HSD11B1: variants seen among roughly 807,000 people sequenced by gnomAD.
HSD11B1 encodes the protein hydroxysteroid 11-beta dehydrogenase 1.
Under a neutral mutation model 22.1 loss-of-function variants are expected in HSD11B1, and 15 were observed. That is an observed-to-expected ratio of 0.68 (90% CI 0.45 to 1.04). The LOEUF is 1.04. Among genes scored for constraint, HSD11B1 ranks in the 50% least tolerant of loss-of-function variants. HSD11B1 has a pLI of 0.00. For synonymous variants in HSD11B1, 122 were observed against 125.2 expected (o/e 0.97, Z 0.17); for missense variants, 281 against 357.6 (o/e 0.79, Z 1.73).
At chr1:209,704,239 C>T (rs2076842305), upstream of HSD11B1, among the ~76,000 whole-genome samples, 1 of 152,082 alleles carries the variant, frequency 6.6e-6, no homozygotes, top group South Asian at 2.1e-4. Context: ...TTGCACTTGC[C>T]TTAGAGTCTT....
intron 1 of HSD11B1, among the ~76,000 whole-genome samples, chr1:209,694,695 A>G (rs2076780393): frequency 6.6e-6 from 1 of 152,204 alleles, no homozygotes; most frequent in African/African-American, 2.4e-5. Flanking sequence ...CCCAAGGGGA[A>G]CTTCACAGTG....
intron 1 of HSD11B1, 123 bp downstream of exon 1, chr1:209,705,153 G>C (rs2076849008): frequency 1.3e-6 from 1 of 799,184 alleles, no homozygotes; most frequent in Non-Finnish European, 2.2e-6. Context: ...GGAACCCTGA[G>C]TTAAGATGGT....
intron 4 of HSD11B1, among the ~76,000 whole-genome samples, chr1:209,727,270 G>C (rs9430012): frequency 0.2 from 30,105 of 152,078 alleles, 3,015 homozygotes; most frequent in Non-Finnish European, 0.2. Flanking sequence ...ATAGGTTTTG[G>C]GGGGAGCATG....
chr1:209,724,959 G>A (rs1353910484), intron 4 of HSD11B1, among the ~76,000 whole-genome samples: 1 of 151,914 alleles, frequency 6.6e-6, no homozygotes, highest in African/African-American at 2.4e-5. Flanking sequence ...AAAAAGCTAT[G>A]GGAAAAAAAT....
intron 4 of HSD11B1, among the ~76,000 whole-genome samples, chr1:209,709,331 G>T (rs2076880060): frequency 6.6e-6 from 1 of 152,130 alleles, no homozygotes. Flanking sequence ...AGACAATACT[G>T]CTGCTTCTGG....
chr1:209,702,868 C>T (rs1468498623), upstream of HSD11B1, among the ~76,000 whole-genome samples: 6 of 152,196 alleles, frequency 3.9e-5, no homozygotes, highest in Admixed American at 2.0e-4. Context: ...CTCATCAATG[C>T]ATTTTATATA....
chr1:209,730,202 T>C (rs2077027098), intron 4 of HSD11B1, among the ~76,000 whole-genome samples: 1 of 152,186 alleles, frequency 6.6e-6, no homozygotes, highest in South Asian at 2.1e-4. Flanking sequence ...CACTGCAACT[T>C]AACAAAGAGA....
At position 209,707,147 on chromosome 1, in the gene HSD11B1, T is replaced by C. The variant is rs767730769; in HGVS notation, c.517+19T>C. 3 of 1,595,926 alleles carry C rather than the reference T, an allele frequency of 1.9e-6. No individual in the cohort carries two copies. In the Admixed American group the frequency reaches 5.0e-5, roughly 27 times the overall value. ...CTGGCTGGTAAGTGGGACAGGGACA[T>C]ATGTGGAAGGTAGAAGAAAAAAAAA... is the stretch of plus-strand genomic sequence containing the variant. On this transcript the variant is annotated intron_variant, in intron 4 of 5. Coordinates refer to ENST00000367027, the MANE Select transcript of HSD11B1 (RefSeq NM_005525.4).
At chr1:209,691,234 A>T (rs1275795078) in intron 1 of HSD11B1, among the ~76,000 whole-genome samples, 1 of 152,216 alleles carries the variant, frequency 6.6e-6, no homozygotes, top group Non-Finnish European at 1.5e-5. Flanking sequence ...ACAATCAAGG[A>T]GAAGGTAATA....
upstream of HSD11B1, among the ~76,000 whole-genome samples, chr1:209,702,044 A>C (rs2076829696): frequency 6.6e-6 from 1 of 152,230 alleles, no homozygotes; most frequent in African/African-American, 2.4e-5. Flanking sequence ...AGTGTATTAC[A>C]AAGGAGGGTG....
intron 4 of HSD11B1, among the ~76,000 whole-genome samples, chr1:209,709,152 G>A (rs2076879136): frequency 6.6e-6 from 1 of 152,188 alleles, no homozygotes; most frequent in African/African-American, 2.4e-5. Context: ...ACAGTACTGG[G>A]ATGGAGTTTT....
At chr1:209,695,207 CTA>C (rs1173782151) in intron 1 of HSD11B1, among the ~76,000 whole-genome samples, 5 of 152,212 alleles carry the variant, frequency 3.3e-5, no homozygotes, top group Non-Finnish European at 7.3e-5. Flanking sequence ...CCATGCAGAA[CTA>C]TGAGTCAATT....
At chr1:209,730,946 T>C (rs975164842) in intron 4 of HSD11B1, among the ~76,000 whole-genome samples, 3 of 152,166 alleles carry the variant, frequency 2.0e-5, no homozygotes, top group Admixed American at 6.5e-5. Context: ...TTATTGACAC[T>C]TGGAAGAAGG....
intron 4 of HSD11B1, among the ~76,000 whole-genome samples, chr1:209,718,951 C>T (rs556242775): frequency 3.4e-4 from 46 of 133,464 alleles, no homozygotes; most frequent in African/African-American, 7.2e-4. Context: ...ACCCGGGAGG[C>T]GGAGGTTGCA....
At chr1:209,703,589 C>T (rs1399409696), upstream of HSD11B1, among the ~76,000 whole-genome samples, 1 of 152,154 alleles carries the variant, frequency 6.6e-6, no homozygotes. Context: ...GTTTCATCTC[C>T]TCTGGGTCTT....
chr1:209,698,172 TA>T (rs1364194111), intron 1 of HSD11B1, among the ~76,000 whole-genome samples: 3 of 16,574 alleles, frequency 1.8e-4, no homozygotes, highest in African/African-American at 3.0e-4. Context: ...ATAGATTAGA[TA>T]GATAGATAGA....
intron 1 of HSD11B1, among the ~76,000 whole-genome samples, chr1:209,697,333 A>C (rs2076796924): frequency 6.6e-6 from 1 of 151,988 alleles, no homozygotes; most frequent in South Asian, 2.1e-4. Flanking sequence ...CTCAATGCTC[A>C]CTGTTATCAT....
Position 209,706,903 on chromosome 1 carries a change from T to A in HSD11B1, c.332-40T>A, listed in dbSNP as rs1239162084. On this transcript the variant is annotated intron_variant, in intron 3 of 5. Coordinates refer to ENST00000367027, the MANE Select transcript of HSD11B1 (RefSeq NM_005525.4). This position sits in a 1 kb window ranked among gnomAD's most constrained non-coding sequence, Gnocchi z 4.0. ...TTTTGGGAGGAGAATGGGAAAGGTA[T>A]CAACCCCAGATGATTTCTTAATATA... 1 of 1,611,010 alleles carries A rather than the reference T, an allele frequency of 6.2e-7. No homozygotes were observed. Among genetic ancestry groups the A allele is most frequent in the Admixed American group, 1.7e-5 (1 of 60,014 alleles).
intron 1 of HSD11B1, among the ~76,000 whole-genome samples, chr1:209,695,058 A>G (rs1160154148): frequency 1.3e-5 from 2 of 152,278 alleles, no homozygotes; most frequent in East Asian, 3.9e-4. Flanking sequence ...ATAGTGAGTG[A>G]GTTCTCATGA....
Sources: gnomAD v4.1 joint callset for allele counts (sites outside exome capture counted in the v4.1 genomes callset) on GRCh38, gnomAD v4.1.1 for gene constraint, Gnocchi (gnomAD v3.1) non-coding constraint, MANE v1.5 for transcripts, NCBI Gene and HGNC (gene_info 2026-07-23, HGNC 2026-07-21) for gene names.